KYNU: variants seen among roughly 807,000 people sequenced by gnomAD.
KYNU encodes the protein L-kynurenine hydrolase.
In KYNU, 54 loss-of-function variants were observed where a neutral mutation model predicts 59.2. That is an observed-to-expected ratio of 0.91 (90% CI 0.73 to 1.14). The LOEUF is 1.14. Among genes scored for constraint, KYNU ranks in the 50% most tolerant of loss-of-function variants. The pLI, the probability that KYNU is intolerant of heterozygous loss-of-function variation, is 0.00. For synonymous variants in KYNU, 177 were observed against 192.0 expected (o/e 0.92, Z 0.65); for missense variants, 567 against 554.4 (o/e 1.02, Z -0.23).
In KYNU at chr2:143,028,333, C is replaced by G. The variant is rs530729192; in HGVS notation, c.903-1294C>G. The stretch of plus-strand genomic sequence containing the variant: ...CCATCTCGGCTCACTGCAACCTCCC[C>G]CTCTGGGTTCAAGCGATTCTCCTGC... On this transcript the variant is annotated intron_variant, in intron 10 of 13. Coordinates refer to ENST00000264170, the MANE Select transcript of KYNU (RefSeq NM_003937.3). Among the ~76,000 whole-genome samples the G allele has an allele frequency of 6.4e-4, 96 of 149,164 alleles. 1 individual carries two copies. Among genetic ancestry groups the G allele is most frequent in the African/African-American group, 1.8e-3 (73 of 40,870 alleles).
intron 8 of KYNU, among the ~76,000 whole-genome samples, chr2:142,966,585 A>G (rs1684547397): frequency 1.3e-5 from 2 of 152,140 alleles, no homozygotes; most frequent in Non-Finnish European, 2.9e-5. Flanking sequence ...AAGATGCAGT[A>G]TGGCATTTTC....
intron 8 of KYNU, among the ~76,000 whole-genome samples, chr2:142,980,657 G>A (rs911921717): frequency 2.0e-5 from 3 of 152,082 alleles, no homozygotes; most frequent in African/African-American, 7.2e-5. Flanking sequence ...ATGATTGCAA[G>A]TTTTGGATTG....
At chr2:142,966,399 A>G (rs2105112447) in intron 8 of KYNU, among the ~76,000 whole-genome samples, 1 of 152,310 alleles carries the variant, frequency 6.6e-6, no homozygotes, top group South Asian at 2.1e-4. Flanking sequence ...TAACTTCTTT[A>G]AAGTCTTAGC....
intron 10 of KYNU, among the ~76,000 whole-genome samples, chr2:143,014,041 T>C (rs976872707): frequency 6.6e-6 from 1 of 152,356 alleles, no homozygotes; most frequent in East Asian, 1.9e-4. Flanking sequence ...CTCTTGCGTC[T>C]TTAGAGGATA....
At chr2:142,938,001 G>C (rs928492696) in intron 4 of KYNU, among the ~76,000 whole-genome samples, 1 of 152,150 alleles carries the variant, frequency 6.6e-6, no homozygotes, top group African/African-American at 2.4e-5. Flanking sequence ...CCGGAAAATA[G>C]CATAATAGTG....
At chr2:142,943,260 C>T (rs1463439678) in intron 4 of KYNU, among the ~76,000 whole-genome samples, 2 of 151,826 alleles carry the variant, frequency 1.3e-5, no homozygotes, top group Non-Finnish European at 2.9e-5. Flanking sequence ...GTGCCATGAG[C>T]AAACAGACAA....
At chr2:143,016,050 AAAC>A (rs1292294628) in intron 10 of KYNU, among the ~76,000 whole-genome samples, 1 of 152,224 alleles carries the variant, frequency 6.6e-6, no homozygotes, top group Non-Finnish European at 1.5e-5. Flanking sequence ...CTGCAAGTCT[AAAC>A]AACAACCAAT....
At chr2:142,901,872 T>C (rs911996472) in intron 2 of KYNU, among the ~76,000 whole-genome samples, 7 of 152,158 alleles carry the variant, frequency 4.6e-5, no homozygotes, top group Non-Finnish European at 8.8e-5. Flanking sequence ...GAGTTAGGGA[T>C]TAGTCAAGGG....
At chr2:142,946,235 G>T (rs1471199886) in intron 4 of KYNU, among the ~76,000 whole-genome samples, 1 of 151,700 alleles carries the variant, frequency 6.6e-6, no homozygotes, top group South Asian at 2.1e-4. Flanking sequence ...AGGTACAAGC[G>T]ACCATGCCTG....
intron 8 of KYNU, among the ~76,000 whole-genome samples, chr2:142,984,180 G>A (rs1685131380): frequency 6.6e-6 from 1 of 151,996 alleles, no homozygotes; most frequent in South Asian, 2.1e-4. Flanking sequence ...ATGTAACATC[G>A]AGCATTGGCC....
chr2:143,037,875 G>T (rs950497086), intron 12 of KYNU, among the ~76,000 whole-genome samples: 3 of 152,084 alleles, frequency 2.0e-5, no homozygotes, highest in Non-Finnish European at 4.4e-5. Context: ...TTTACCCTCT[G>T]TGAGATGAAT....
chr2:142,903,689 G>T (rs1682186166), intron 2 of KYNU, among the ~76,000 whole-genome samples: 1 of 152,072 alleles, frequency 6.6e-6, no homozygotes, highest in Non-Finnish European at 1.5e-5. Flanking sequence ...CTTGCCCCAG[G>T]CACCCTCAGT....
intron 10 of KYNU, among the ~76,000 whole-genome samples, chr2:143,020,090 C>A (rs1686363810): frequency 6.6e-6 from 1 of 151,542 alleles, no homozygotes; most frequent in African/African-American, 2.4e-5. Context: ...TTTTGTTGAT[C>A]TTTTATATTT....
intron 4 of KYNU, among the ~76,000 whole-genome samples, chr2:142,931,732 C>CT (rs1683226110): frequency 1.3e-5 from 2 of 152,098 alleles, no homozygotes; most frequent in South Asian, 2.1e-4. Context: ...GTGAGTTGCG[C>CT]TTTAAGTACA....
chr2:142,930,323 A>G (rs534295232), intron 4 of KYNU, among the ~76,000 whole-genome samples: 130 of 152,200 alleles, frequency 8.5e-4, no homozygotes, highest in Non-Finnish European at 1.6e-3. Context: ...TACAATTAGA[A>G]TATCAGATCC....
intron 12 of KYNU, among the ~76,000 whole-genome samples, chr2:143,036,352 C>T (rs1456216246): frequency 6.6e-6 from 1 of 152,072 alleles, no homozygotes; most frequent in Non-Finnish European, 1.5e-5. Flanking sequence ...GTTCCAATGG[C>T]TGGAATGGGA....
At chr2:142,969,003 A>T (rs947588739) in intron 8 of KYNU, among the ~76,000 whole-genome samples, 1 of 152,156 alleles carries the variant, frequency 6.6e-6, no homozygotes, top group African/African-American at 2.4e-5. Flanking sequence ...TTTCATGCAC[A>T]CAATTTTTTT....
chr2:142,915,191 G>T lies in KYNU; in HGVS notation c.170-3418G>T, dbSNP rs567223637. On this transcript the variant is annotated intron_variant, in intron 2 of 13. Coordinates refer to ENST00000264170, the MANE Select transcript of KYNU (RefSeq NM_003937.3). ...GAAGTGGTGGTAGTGAGCAGATCGTGAGACATCAGCTTAAGTATTCATTAA... is the reference window on the plus strand; with the variant it reads ...GAAGTGGTGGTAGTGAGCAGATCGTTAGACATCAGCTTAAGTATTCATTAA... Among the ~76,000 whole-genome samples, 55 of 152,324 alleles carry T rather than the reference G, an allele frequency of 3.6e-4. 1 individual carries two copies. In the South Asian group the frequency reaches 0.011, roughly 29 times the overall value.
intron 8 of KYNU, among the ~76,000 whole-genome samples, chr2:142,984,312 G>A (rs1412438034): frequency 6.6e-6 from 1 of 151,936 alleles, no homozygotes; most frequent in Non-Finnish European, 1.5e-5. Context: ...AATAATGGGA[G>A]CTAGTCATAC....
Sources: gnomAD v4.1 joint callset for allele counts (sites outside exome capture counted in the v4.1 genomes callset) on GRCh38, gnomAD v4.1.1 for gene constraint, MANE v1.5 for transcripts, NCBI Gene and HGNC (gene_info 2026-07-23, HGNC 2026-07-21) for gene names.